Variants in ZBTB7C observed in about 807,000 individuals in gnomAD.
The protein encoded by ZBTB7C is zinc finger and BTB domain-containing protein 7C.
A neutral mutation model predicts 25.7 loss-of-function variants in ZBTB7C; 8 were observed. The ratio of observed to expected loss-of-function variants is 0.31; its 90% CI spans 0.18 to 0.56. The LOEUF (loss-of-function observed/expected upper bound fraction) is 0.56, where lower values mean the gene tolerates loss of function less well. Ranked by LOEUF, ZBTB7C falls within the 20% of genes least tolerant of loss-of-function variation. ZBTB7C has a pLI of 0.91. For missense variants in ZBTB7C, 824 were observed against 855.2 expected, an observed-to-expected ratio of 0.96 and a Z score of 0.46; for synonymous variants, 394 against 369.0, an observed-to-expected ratio of 1.07 and a Z score of -0.78.
intron 2 of ZBTB7C, among the ~76,000 whole-genome samples, chr18:48,262,874 C>T (rs58672408): frequency 0.33 from 50,155 of 151,932 alleles, 8,468 homozygotes; most frequent in Middle Eastern, 0.42. Context: ...GCCAGTATCA[C>T]TGGATGCAGA....
chr18:48,031,893 G>C (rs1205342795), intron 4 of ZBTB7C, among the ~76,000 whole-genome samples: 1 of 152,118 alleles, frequency 6.6e-6, no homozygotes, highest in Non-Finnish European at 1.5e-5. Flanking sequence ...GGAAGTGTCG[G>C]GTGCCTGTAC....
intron 3 of ZBTB7C, among the ~76,000 whole-genome samples, chr18:48,126,718 G>A (rs768767289): frequency 7.9e-5 from 12 of 152,206 alleles, no homozygotes; most frequent in Non-Finnish European, 1.3e-4. Flanking sequence ...GAGGACCAGA[G>A]CTCTATGCTG....
chr18:48,365,233 A>G (rs550675630), intron 1 of ZBTB7C, among the ~76,000 whole-genome samples: 1 of 152,316 alleles, frequency 6.6e-6, no homozygotes, highest in African/African-American at 2.4e-5. Flanking sequence ...TGCTTTCATT[A>G]TTTCACTCAT....
At chr18:48,248,658 T>C (rs2043764239) in intron 2 of ZBTB7C, among the ~76,000 whole-genome samples, 1 of 152,132 alleles carries the variant, frequency 6.6e-6, no homozygotes, top group Admixed American at 6.6e-5. Flanking sequence ...AAGATGAAAA[T>C]TTTAGATTCT....
chr18:48,333,418 G>T (rs539788284), intron 2 of ZBTB7C, among the ~76,000 whole-genome samples: 1 of 152,108 alleles, frequency 6.6e-6, no homozygotes, highest in Non-Finnish European at 1.5e-5. Context: ...CTTTTAGAGC[G>T]CATGTACACC....
intron 2 of ZBTB7C, among the ~76,000 whole-genome samples, chr18:48,214,074 A>G (rs1466047775): frequency 6.6e-6 from 1 of 152,252 alleles, no homozygotes; most frequent in African/African-American, 2.4e-5. Flanking sequence ...GACACAGGGT[A>G]GACTTGGAAA....
chr18:48,065,199 A>G (rs1302395879), intron 3 of ZBTB7C, among the ~76,000 whole-genome samples: 1 of 152,104 alleles, frequency 6.6e-6, no homozygotes, highest in Non-Finnish European at 1.5e-5. Flanking sequence ...AGGACCTTGA[A>G]TCTTAAGTGA....
intron 3 of ZBTB7C, among the ~76,000 whole-genome samples, chr18:48,184,678 G>A (rs541625802): frequency 3.9e-5 from 6 of 152,180 alleles, no homozygotes; most frequent in South Asian, 4.2e-4. Context: ...AGCTCCCTGC[G>A]TGAGAAGTGG....
intron 2 of ZBTB7C, among the ~76,000 whole-genome samples, chr18:48,219,479 G>A (rs1426022248): frequency 6.6e-6 from 1 of 152,180 alleles, no homozygotes; most frequent in East Asian, 1.9e-4. Flanking sequence ...CACATTCCAG[G>A]TGGGGACACT....
In ZBTB7C at chr18:48,302,050, C is replaced by T. The variant is rs541074221; in HGVS notation, c.-79+36124G>A. Among the ~76,000 whole-genome samples, 22 of 152,312 alleles carry T rather than the reference C, an allele frequency of 1.4e-4. 2 individuals carry two copies. The South Asian group carries it at 3.7e-3, about 26-fold the overall frequency. ...TTAGGAAAGCCCACACCCAGCCCCA[C>T]GATGTCTGCAAATTCTCAGGGGGGT... is the stretch of plus-strand genomic sequence containing the variant. On this transcript the variant is annotated intron_variant, in intron 2 of 4. Transcript: ENST00000590800.
rs975678247 is a variant in ZBTB7C, at chr18:48,260,088, C to G, written c.-78-74093G>C. The stretch of plus-strand genomic sequence containing the variant: ...CATAGAAACTTTATTTGTAATAGCC[C>G]AAAACTGGAAACAGCCCAAATGTCT... On this transcript the variant is annotated intron_variant, in intron 2 of 4. Transcript: ENST00000590800. Among the ~76,000 whole-genome samples the G allele has an allele frequency of 3.9e-5, 6 of 152,118 alleles. 1 individual carries two copies. Among genetic ancestry groups the G allele is most frequent in the Admixed American group, 6.5e-5 (1 of 15,276 alleles).
chr18:48,253,451 C>G (rs1398493843), intron 2 of ZBTB7C, among the ~76,000 whole-genome samples: 1 of 152,098 alleles, frequency 6.6e-6, no homozygotes, highest in African/African-American at 2.4e-5. Context: ...GACAGTGGTG[C>G]TTGAGAGATG....
At chr18:48,076,311 T>C (rs2037762357) in intron 3 of ZBTB7C, among the ~76,000 whole-genome samples, 1 of 152,274 alleles carries the variant, frequency 6.6e-6, no homozygotes, top group Non-Finnish European at 1.5e-5. Flanking sequence ...AAGGAAGGAA[T>C]TGACACTCTT....
intron 1 of ZBTB7C, among the ~76,000 whole-genome samples, chr18:48,399,145 G>C (rs916040325): frequency 6.6e-6 from 1 of 152,184 alleles, no homozygotes; most frequent in African/African-American, 2.4e-5. Context: ...TCCCATTTGA[G>C]TAAAGAATTT....
At chr18:48,208,010 A>C (rs1210928495) in intron 2 of ZBTB7C, among the ~76,000 whole-genome samples, 5 of 140,138 alleles carry the variant, frequency 3.6e-5, no homozygotes, top group African/African-American at 1.3e-4. Flanking sequence ...AGGTTTGGAC[A>C]CTTTACTGAA....
At chr18:48,042,154 A>G (rs1306567987) in intron 3 of ZBTB7C, among the ~76,000 whole-genome samples, 1 of 151,988 alleles carries the variant, frequency 6.6e-6, no homozygotes, top group Admixed American at 6.5e-5. Flanking sequence ...GAATATAGTC[A>G]TGGGTTGTTT....
At chr18:48,153,237 T>TA (rs1433015545) in intron 3 of ZBTB7C, among the ~76,000 whole-genome samples, 1 of 152,264 alleles carries the variant, frequency 6.6e-6, no homozygotes, top group Non-Finnish European at 1.5e-5. Context: ...AGGCAACATA[T>TA]AAAAGGCTTT....
At chr18:48,228,896 TA>T (rs2043178904) in intron 2 of ZBTB7C, among the ~76,000 whole-genome samples, 1 of 151,920 alleles carries the variant, frequency 6.6e-6, no homozygotes, top group Non-Finnish European at 1.5e-5. Context: ...ACATCAAGGA[TA>T]TTTCTGTTCC....
At chr18:48,114,939 C>G (rs2039378112) in intron 3 of ZBTB7C, among the ~76,000 whole-genome samples, 1 of 152,120 alleles carries the variant, frequency 6.6e-6, no homozygotes, top group African/African-American at 2.4e-5. Context: ...ATAAAATTTG[C>G]CATTTTAACC....
Sources: allele counts gnomAD v4.1 joint callset (sites outside exome capture counted in the v4.1 genomes callset), GRCh38; gene constraint gnomAD v4.1.1; transcripts MANE v1.5; gene names NCBI Gene and HGNC (gene_info 2026-07-23, HGNC 2026-07-21).